INO80: variants seen among roughly 807,000 people sequenced by gnomAD.
The protein encoded by INO80 is chromatin-remodeling ATPase INO80.
In INO80, 20 loss-of-function variants were observed where a neutral mutation model predicts 203.4. That is an observed-to-expected ratio of 0.10 (90% CI 0.07 to 0.14). The LOEUF is 0.14. Ranked by LOEUF, INO80 falls within the 10% of genes least tolerant of loss-of-function variation. INO80 has a pLI of 1.00. For missense variants in INO80, 1,419 were observed against 1,914.4 expected (o/e 0.74, Z 4.83); for synonymous variants, 726 against 685.2 (o/e 1.06, Z -0.93).
At chr15:41,050,505 T>C (rs765049809) in intron 19 of INO80, among the ~76,000 whole-genome samples, 4 of 152,224 alleles carry the variant, frequency 2.6e-5, no homozygotes, top group Non-Finnish European at 5.9e-5. Flanking sequence ...ATTTACTAAA[T>C]TGGTTAACAG....
intron 12 of INO80, 99 bp from the exon 13 acceptor site, chr15:41,070,646 A>G: frequency 1.0e-6 from 1 of 976,874 alleles, no homozygotes; most frequent in Non-Finnish European, 1.6e-6. Context: ...GCTTGTTTAA[A>G]GAGAAGTGAC....
rs1183268892 is a variant in INO80, at chr15:40,983,000, T to C, written c.4315A>G (p.Ser1439Gly). 9.9e-6 allele frequency: 16 copies of C among 1,614,052 alleles called. No individual in the cohort carries two copies. Among genetic ancestry groups the C allele is most frequent in the African/African-American group, 1.3e-5 (1 of 74,938 alleles). The change falls in exon 35 of 36, where the codon AGC becomes GGC. Residue 1439 changes from serine to glycine, a missense_variant. Ser to Gly is a moderately conservative substitution (Grantham distance 56, BLOSUM62 0). Around this residue, in one of 9 missense-constraint regions of INO80, gnomAD observed 214 missense variants for 248.9 expected, o/e 0.86. Transcript: ENST00000648947. The stretch of plus-strand genomic sequence containing the variant: ...CCCTTCCCTGCTCCTTTGGCTGTGC[T>C]TCCTGAACCTTTGGGGCGGCCTCGG... ...RSRGRPKGSG[S>G]TAKGAGKGRS... is the part of the protein sequence containing the mutation.
intron 7 of INO80, among the ~76,000 whole-genome samples, 172 bp from the exon 8 acceptor site, chr15:41,081,245 G>A (rs562209653): frequency 3.9e-4 from 60 of 152,222 alleles, no homozygotes; most frequent in Non-Finnish European, 6.0e-4. Flanking sequence ...TACATAAAAC[G>A]ATTAAAGAAG....
intron 29 of INO80, among the ~76,000 whole-genome samples, chr15:40,995,947 G>A (rs981506655): frequency 3.3e-5 from 5 of 152,262 alleles, no homozygotes; most frequent in East Asian, 1.9e-4. Context: ...AGGCGCTGAC[G>A]TCTTGCCGTA....
intron 4 of INO80, among the ~76,000 whole-genome samples, chr15:41,092,860 T>C (rs2045665270): frequency 6.6e-6 from 1 of 152,034 alleles, no homozygotes; most frequent in Non-Finnish European, 1.5e-5. Context: ...AGTTCGAGAC[T>C]AGCTTGGGCA....
At chr15:40,992,344 A>G (rs994128275) in intron 29 of INO80, among the ~76,000 whole-genome samples, 1 of 152,204 alleles carries the variant, frequency 6.6e-6, no homozygotes, top group African/African-American at 2.4e-5. Flanking sequence ...TGCAAAGACA[A>G]CCCTACTTCA....
chr15:41,099,673 T>C (rs1001983867), intron 1 of INO80, among the ~76,000 whole-genome samples: 3 of 151,834 alleles, frequency 2.0e-5, no homozygotes, highest in African/African-American at 2.4e-5. Flanking sequence ...ACCCAGCCAC[T>C]TGGGAGGCTG....
intron 12 of INO80, among the ~76,000 whole-genome samples, chr15:41,071,516 G>A (rs3853538): frequency 0.03 from 4,273 of 141,712 alleles, 198 homozygotes; most frequent in African/African-American, 0.11. Context: ...GTGCAATGGC[G>A]CCATCTTAGC....
intron 9 of INO80, among the ~76,000 whole-genome samples, chr15:41,077,359 CAAA>C (rs750218617): frequency 1.3e-5 from 1 of 74,466 alleles, no homozygotes; most frequent in Non-Finnish European, 3.2e-5. Context: ...GGGAATACAG[CAAA>C]AAAAAAAAAA....
intron 1 of INO80, among the ~76,000 whole-genome samples, chr15:41,115,325 T>C (rs955345333): frequency 6.6e-6 from 1 of 152,178 alleles, no homozygotes; most frequent in African/African-American, 2.4e-5. Flanking sequence ...AAGTAGTACT[T>C]TCCATTAGCG....
intron 29 of INO80, among the ~76,000 whole-genome samples, chr15:40,994,246 G>A (rs948720397): frequency 6.6e-6 from 1 of 152,100 alleles, no homozygotes; most frequent in Non-Finnish European, 1.5e-5. Context: ...TCAGATCTTG[G>A]CTCAAATGTC....
intron 25 of INO80, among the ~76,000 whole-genome samples, chr15:41,025,775 A>G (rs2044366665): frequency 6.6e-6 from 1 of 152,168 alleles, no homozygotes; most frequent in African/African-American, 2.4e-5. Flanking sequence ...AGGAGAAGTT[A>G]AAAAGACTTG....
intron 24 of INO80, among the ~76,000 whole-genome samples, chr15:41,041,159 T>G (rs1038777447): frequency 6.6e-6 from 1 of 152,146 alleles, no homozygotes; most frequent in Non-Finnish European, 1.5e-5. Context: ...CTCAACCTCC[T>G]GGGCTCAGGC....
At chr15:41,008,739 T>C (rs534451805) in intron 27 of INO80, among the ~76,000 whole-genome samples, 142 of 152,356 alleles carry the variant, frequency 9.3e-4, no homozygotes, top group African/African-American at 3.2e-3. Context: ...CCATTCAGCA[T>C]GGCCCTCAAA....
At chr15:41,019,136 T>C (rs1250943643) in intron 26 of INO80, among the ~76,000 whole-genome samples, 6 of 152,342 alleles carry the variant, frequency 3.9e-5, no homozygotes, top group African/African-American at 1.2e-4. Context: ...AAGGGGACTT[T>C]TGAAGGGATT....
intron 27 of INO80, chr15:41,012,999 A>G (rs928718359): frequency 6.6e-6 from 1 of 152,194 alleles, no homozygotes; most frequent in African/African-American, 2.4e-5. Flanking sequence ...GGCCATAGAG[A>G]AGTATGTGAA....
intron 29 of INO80, among the ~76,000 whole-genome samples, chr15:40,991,830 G>T (rs2043820494): frequency 6.6e-6 from 1 of 151,880 alleles, no homozygotes; most frequent in African/African-American, 2.4e-5. Context: ...CTGGAGTGCA[G>T]TGGCAAGATC....
chr15:41,015,317 G>A (rs1336914001), intron 27 of INO80, among the ~76,000 whole-genome samples: 1 of 152,098 alleles, frequency 6.6e-6, no homozygotes, highest in Non-Finnish European at 1.5e-5. Flanking sequence ...AAGAATCTCT[G>A]GAAATAGGAC....
intron 6 of INO80, 63 bp from the exon 7 acceptor site, chr15:41,085,646 T>A: frequency 7.6e-7 from 1 of 1,319,290 alleles, no homozygotes. Flanking sequence ...AGCAACCTCA[T>A]GACTTAAAAC....
Sources: gnomAD v4.1 joint callset for allele counts (sites outside exome capture counted in the v4.1 genomes callset) on GRCh38, gnomAD v4.1.1 for gene constraint, gnomAD v4.1.1 regional missense constraint, MANE v1.5 for transcripts, NCBI Gene and HGNC (gene_info 2026-07-23, HGNC 2026-07-21) for gene names.